CR1L: variants seen among roughly 807,000 people sequenced by gnomAD.
The protein encoded by CR1L is complement C3b/C4b receptor 1 like.
CR1L carries 59 observed loss-of-function variants against 62.3 expected under a neutral mutation model. That is an observed-to-expected ratio of 0.95 (90% CI 0.77 to 1.18). CR1L has a LOEUF of 1.18. CR1L is among the 50% of genes most tolerant of loss of function. The probability of loss-of-function intolerance (pLI) is 0.00; values close to 1 mark genes in which losing one functional copy is unlikely to be tolerated. For missense variants in CR1L, 700 were observed against 702.8 expected, an observed-to-expected ratio of 1.00 and a Z score of 0.04; for synonymous variants, 279 against 248.7, an observed-to-expected ratio of 1.12 and a Z score of -1.15.
chr1:207,682,703 A>C (rs138044961), intron 3 of CR1L, among the ~76,000 whole-genome samples: 1 of 152,198 alleles, frequency 6.6e-6, no homozygotes. Flanking sequence ...CTGTTACTTG[A>C]CATTGCTTCA....
intron 10 of CR1L, among the ~76,000 whole-genome samples, chr1:207,713,979 C>T (rs991247982): frequency 6.6e-6 from 1 of 152,176 alleles, no homozygotes; most frequent in Non-Finnish European, 1.5e-5. Context: ...GAATAACTTC[C>T]CTCCCCTAGG....
intron 4 of CR1L, among the ~76,000 whole-genome samples, chr1:207,690,008 T>C (rs972154614): frequency 7.2e-5 from 11 of 152,060 alleles, no homozygotes; most frequent in Admixed American, 3.3e-4. Context: ...TCTTTTTCCT[T>C]AATTAGTTTT....
intron 3 of CR1L, among the ~76,000 whole-genome samples, chr1:207,682,972 C>CTTTCTTTCTTTTTTTCTTTCTTTCTTTT (rs879355334): frequency 1.4e-4 from 20 of 141,740 alleles, no homozygotes; most frequent in African/African-American, 4.6e-4. Context: ...TTCTTTCTTT[C>CTTTCTTTCTTTTTTTCTTTCTTTCTTTT]TTTCTTTCTT....
chr1:207,666,812 A>T (rs2102449968), intron 1 of CR1L, among the ~76,000 whole-genome samples: 1 of 152,338 alleles, frequency 6.6e-6, no homozygotes, highest in East Asian at 1.9e-4. Context: ...ACACAAGTTT[A>T]CCTATGTAAT....
chr1:207,683,984 C>T, intron 4 of CR1L, 27 bp downstream of exon 4: 1 of 1,589,442 alleles, frequency 6.3e-7, no homozygotes, highest in Non-Finnish European at 8.6e-7. Flanking sequence ...ATTCCTATTT[C>T]TTTTACCGAT....
chr1:207,668,011 A>G (rs1440881534), intron 1 of CR1L, among the ~76,000 whole-genome samples: 1 of 151,182 alleles, frequency 6.6e-6, no homozygotes, highest in Non-Finnish European at 1.5e-5. Context: ...TCAAAAAGAT[A>G]AAAGATAACA....
intron 1 of CR1L, among the ~76,000 whole-genome samples, chr1:207,670,805 TAAGC>T (rs1032367846): frequency 2.6e-5 from 4 of 151,148 alleles, no homozygotes; most frequent in African/African-American, 9.9e-5. Context: ...CCCAGTAAGT[TAAGC>T]AATCTGTTGT....
At chr1:207,668,574 A>G (rs1055516971) in intron 1 of CR1L, among the ~76,000 whole-genome samples, 3 of 151,010 alleles carry the variant, frequency 2.0e-5, no homozygotes, top group Admixed American at 6.6e-5. Flanking sequence ...TCACAGATAC[A>G]TAAGAATAAA....
At chr1:207,679,868 T>C (rs1246960361) in intron 3 of CR1L, among the ~76,000 whole-genome samples, 1 of 152,170 alleles carries the variant, frequency 6.6e-6, no homozygotes, top group Non-Finnish European at 1.5e-5. Context: ...AAAGCCTATA[T>C]AGTATATGAT....
At chr1:207,694,875 G>A (rs1448824721) in intron 5 of CR1L, 124 bp downstream of exon 5, 2 of 1,520,002 alleles carry the variant, frequency 1.3e-6, no homozygotes, top group South Asian at 1.3e-5. Flanking sequence ...AATTTTCTAG[G>A]TAGTGAACAT....
At chr1:207,661,636 C>T (rs981242261) in intron 1 of CR1L, among the ~76,000 whole-genome samples, 95 of 152,202 alleles carry the variant, frequency 6.2e-4, no homozygotes, top group African/African-American at 1.3e-3. Context: ...GAGCATTTAG[C>T]CCATTTACAT....
At chr1:207,704,055 G>A (rs1664234274) in intron 9 of CR1L, among the ~76,000 whole-genome samples, 1 of 152,226 alleles carries the variant, frequency 6.6e-6, no homozygotes, top group Non-Finnish European at 1.5e-5. Flanking sequence ...AAAGTAAGTT[G>A]AAAACTGCAG....
chr1:207,645,472 C>A, intron 1 of CR1L, 142 bp downstream of exon 1: 1 of 916,216 alleles, frequency 1.1e-6, no homozygotes. Context: ...CCGAGGGGTG[C>A]CGTGCTCAGA....
At chr1:207,708,077 C>A in intron 9 of CR1L, 101 bp from the exon 10 acceptor site, 9 of 1,396,710 alleles carry the variant, frequency 6.4e-6, no homozygotes, top group Admixed American at 1.7e-5. Flanking sequence ...AGGCCTTAGA[C>A]TTCTCCTATA....
intron 1 of CR1L, among the ~76,000 whole-genome samples, chr1:207,652,173 C>A (rs1281639795): frequency 6.6e-6 from 1 of 152,194 alleles, no homozygotes; most frequent in Non-Finnish European, 1.5e-5. Context: ...TATGGAAGAA[C>A]AATCTGAGCA....
At chr1:207,721,039 A>G (rs1237273613) in intron 11 of CR1L, among the ~76,000 whole-genome samples, 1 of 152,198 alleles carries the variant, frequency 6.6e-6, no homozygotes, top group Non-Finnish European at 1.5e-5. Flanking sequence ...GTTCGATGCA[A>G]CACAGCCTTG....
chr1:207,650,067 T>G (rs1337014240), intron 1 of CR1L, among the ~76,000 whole-genome samples: 1 of 152,040 alleles, frequency 6.6e-6, no homozygotes, highest in Non-Finnish European at 1.5e-5. Context: ...GGGCCTCCCT[T>G]TGTTGTTTGA....
chr1:207,691,856 A>G (rs1463460856), intron 4 of CR1L, among the ~76,000 whole-genome samples: 1 of 152,218 alleles, frequency 6.6e-6, no homozygotes, highest in Admixed American at 6.5e-5. Context: ...ATTAAATTTA[A>G]AAGAGTTTAA....
Position 207,646,594 on chromosome 1 carries a change from C to G in CR1L, c.97+1264C>G, listed in dbSNP as rs143412707. On this transcript the variant is annotated intron_variant, in intron 1 of 11. Coordinates refer to ENST00000508064, the MANE Select transcript of CR1L (RefSeq NM_175710.2). Reference sequence around the variant, plus strand: ...GGCATGGTGGTGTATGCCCGTGGTCCCAACTACTCCAGAGGCTGAGGTGGG... The same window carrying G: ...GGCATGGTGGTGTATGCCCGTGGTCGCAACTACTCCAGAGGCTGAGGTGGG... Among the ~76,000 whole-genome samples the G allele has an allele frequency of 6.9e-3, 1,039 of 150,898 alleles. 9 individuals are homozygous for G. Among genetic ancestry groups the G allele is most frequent in the African/African-American group, 0.024 (977 of 41,072 alleles).
Sources: gnomAD v4.1 joint callset for allele counts (sites outside exome capture counted in the v4.1 genomes callset) on GRCh38, gnomAD v4.1.1 for gene constraint, MANE v1.5 for transcripts, NCBI Gene and HGNC (gene_info 2026-07-23, HGNC 2026-07-21) for gene names.